RNASET2: variants seen among roughly 807,000 people sequenced by gnomAD.
RNASET2 encodes the protein ribonuclease T2, also known as ribonuclease 6.
RNASET2 carries 28 observed loss-of-function variants against 33.9 expected under a neutral mutation model. The ratio of observed to expected loss-of-function variants is 0.83; its 90% CI spans 0.61 to 1.13. The LOEUF is 1.13. Ranked by LOEUF, RNASET2 falls within the 50% of genes most tolerant of loss-of-function variation. RNASET2 has a pLI of 0.00. For synonymous variants in RNASET2, 123 were observed against 121.0 expected, an observed-to-expected ratio of 1.02 and a Z score of -0.11; for missense variants, 330 against 319.9, an observed-to-expected ratio of 1.03 and a Z score of -0.24.
At chr6:166,943,148 A>G in intron 4 of RNASET2, 59 bp from the exon 5 acceptor site, 2 of 1,292,798 alleles carry the variant, frequency 1.5e-6, no homozygotes, top group Admixed American at 3.8e-5. Flanking sequence ...CTCAAAACCT[A>G]GAAGGTAAAT....
chr6:166,925,643 G>A lies in RNASET2; in HGVS notation c.*3945C>T, dbSNP rs570105999. Among the ~76,000 whole-genome samples the A allele has an allele frequency of 1.7e-4, 26 of 152,174 alleles. No homozygotes were observed. The highest frequency in any genetic ancestry group is 3.5e-4 in the Non-Finnish European group (24 of 68,044). ...CGGCCCTCCCCTGTGCCATCCAGCT[G>A]GCATCTTCTATGTAACACAACAAGA... On this transcript the variant is annotated 3_prime_UTR_variant, in exon 9 of 9. Transcript: ENST00000508775.
intron 6 of RNASET2, among the ~76,000 whole-genome samples, chr6:166,936,638 G>C (rs1778576117): frequency 6.6e-6 from 1 of 152,152 alleles, no homozygotes; most frequent in Non-Finnish European, 1.5e-5. Context: ...CTGGGGAACT[G>C]AGTGGGAACT....
At chr6:166,955,726 G>T in intron 1 of RNASET2, 1 of 1,140,594 alleles carries the variant, frequency 8.8e-7, no homozygotes, top group Non-Finnish European at 1.1e-6. Context: ...GGAGTGTTCA[G>T]GGCTCCCCAA....
At chr6:166,934,216 A>C in intron 6 of RNASET2, 80 bp from the exon 7 acceptor site, 15 of 935,870 alleles carry the variant, frequency 1.6e-5, no homozygotes, top group Non-Finnish European at 2.1e-5. Context: ...ATCATATTTC[A>C]TGGTAAAAAT....
Position 166,938,924 on chromosome 6 carries a change from C to T in RNASET2, c.417G>A (p.Leu139=). The change falls in exon 6 of 9, where the codon CTG becomes CTA. Residue 139 remains leucine, a synonymous_variant. Coordinates refer to ENST00000508775, the MANE Select transcript of RNASET2 (RefSeq NM_003730.6). ...TGAGGTCCAGCTCCCTGTAGAGTTCCAGGCTTCTGCCAAAGTACTTCTTCT... is the reference window on the plus strand; with the variant it reads ...TGAGGTCCAGCTCCCTGTAGAGTTCTAGGCTTCTGCCAAAGTACTTCTTCT... ...NSQKKYFGRS[L]ELYRELDLNS... 6.2e-7 allele frequency: 1 copy of T among 1,613,900 alleles called. No homozygotes were observed. The highest frequency in any genetic ancestry group is 1.3e-5 in the African/African-American group (1 of 75,064).
Position 166,936,228 on chromosome 6 carries a change from C to CTGAATGAA in RNASET2, c.447-2100_447-2093dup, listed in dbSNP as rs546247226. ...CTGGCAGGCCCTCAGTGAACATTTA[C>CTGAATGAA]TGAATGAATGAATGAATGAATGAAT... On this transcript the variant is annotated intron_variant, in intron 6 of 8. Transcript: ENST00000508775. Among the ~76,000 whole-genome samples, 5 of 152,220 alleles carry CTGAATGAA rather than the reference C, an allele frequency of 3.3e-5. No homozygotes were observed. The South Asian group carries it at 6.2e-4, about 19-fold the overall frequency.
chr6:166,923,651 C>T lies in RNASET2; in HGVS notation c.*5937G>A, dbSNP rs1025761519. ...AGAATTCTTATCAGAAAAAAAATGA[C>T]ATAAAACTGCATTTCTCATCATCTG... On this transcript the variant is annotated 3_prime_UTR_variant, in exon 9 of 9. Coordinates refer to ENST00000508775, the MANE Select transcript of RNASET2 (RefSeq NM_003730.6). Among the ~76,000 whole-genome samples the T allele has an allele frequency of 2.0e-5, 3 of 151,978 alleles. No homozygotes were observed. Among genetic ancestry groups the T allele is most frequent in the Non-Finnish European group, 4.4e-5 (3 of 67,994 alleles).
chr6:166,938,029 T>C (rs1778609230), intron 6 of RNASET2, among the ~76,000 whole-genome samples: 1 of 152,250 alleles, frequency 6.6e-6, no homozygotes, highest in African/African-American at 2.4e-5. Context: ...ATTCATCTTT[T>C]AAGCAGTTTT....
At chr6:166,946,875 C>A in intron 3 of RNASET2, 136 bp from the exon 4 acceptor site, 1 of 710,700 alleles carries the variant, frequency 1.4e-6, no homozygotes. Flanking sequence ...ATTCCTTATC[C>A]CAGGCAGGAT....
In RNASET2 at chr6:166,923,055, C is replaced by G. The variant is rs559123570; in HGVS notation, c.*6533G>C. ...TGTGAAAAGCACGTCAGCATAAAGTCCATACAGCATTTAATGGATCTTAAC... is the reference window on the plus strand; with the variant it reads ...TGTGAAAAGCACGTCAGCATAAAGTGCATACAGCATTTAATGGATCTTAAC... On this transcript the variant is annotated 3_prime_UTR_variant, in exon 9 of 9. Coordinates refer to ENST00000508775, the MANE Select transcript of RNASET2 (RefSeq NM_003730.6). Among the ~76,000 whole-genome samples the G allele has an allele frequency of 6.6e-6, 1 of 152,300 alleles. No homozygotes were observed. The highest frequency in any genetic ancestry group is 1.5e-5 in the Non-Finnish European group (1 of 68,028).
chr6:166,927,969 G>A lies in RNASET2; in HGVS notation c.*1619C>T, dbSNP rs937143018. On this transcript the variant is annotated 3_prime_UTR_variant, in exon 9 of 9. Coordinates refer to ENST00000508775, the MANE Select transcript of RNASET2 (RefSeq NM_003730.6). ...GGAGACAGAAATGAGCTCAGAGAAG[G>A]GCCGAGGGACAATGACAAGGTGGGG... Among the ~76,000 whole-genome samples, 43 of 152,192 alleles carry A rather than the reference G, an allele frequency of 2.8e-4. No homozygotes were observed. The highest frequency in any genetic ancestry group is 5.4e-4 in the Non-Finnish European group (37 of 68,038).
intron 1 of RNASET2, among the ~76,000 whole-genome samples, chr6:166,955,225 A>ACGCACG (rs1275965128): frequency 2.1e-5 from 1 of 48,598 alleles, no homozygotes; most frequent in Non-Finnish European, 3.4e-5. Context: ...ACACACGCGC[A>ACGCACG]CACACGCACG....
chr6:166,955,257 GCACACA>G (rs145765601), intron 1 of RNASET2, among the ~76,000 whole-genome samples: 20 of 92,088 alleles, frequency 2.2e-4, no homozygotes, highest in South Asian at 1.8e-3. Flanking sequence ...ACGCACACAC[GCACACA>G]CACACACGCG....
chr6:166,942,072 A>G (rs1453093197), intron 5 of RNASET2, among the ~76,000 whole-genome samples: 2 of 10,908 alleles, frequency 1.8e-4, no homozygotes, highest in Admixed American at 8.2e-4. Context: ...TTTTTTTTTG[A>G]GATGGAATCT....
Position 166,943,053 on chromosome 6 carries a change from C to T in RNASET2, c.298G>A (p.Val100Ile), listed in dbSNP as rs529169150. The T allele has an allele frequency of 2.0e-5, 33 of 1,613,636 alleles. No homozygotes were observed. The highest frequency in any genetic ancestry group is 3.3e-4 in the Middle Eastern group (2 of 6,060). Residue 100 changes from valine to isoleucine, a missense_variant, in exon 5 of 9, where the codon GTA becomes ATA. Coordinates refer to ENST00000508775, the MANE Select transcript of RNASET2 (RefSeq NM_003730.6). ...CTGCGATTGGGAAACGAGTGAATTACGTCAGGCCAGTATGCCCTCATTTCT... is the reference window on the plus strand; with the variant it reads ...CTGCGATTGGGAAACGAGTGAATTATGTCAGGCCAGTATGCCCTCATTTCT... Reference protein sequence around the residue: ...LPEMRAYWPDVIHSFPNRSRF... With the variant: ...LPEMRAYWPDIIHSFPNRSRF...
intron 1 of RNASET2, 189 bp from the exon 2 acceptor site, chr6:166,952,737 G>A: frequency 3.3e-6 from 2 of 605,356 alleles, no homozygotes; most frequent in Non-Finnish European, 6.1e-6. Context: ...GAAGGCACGT[G>A]TGGTGGCGTC....
In RNASET2 at chr6:166,928,846, C is replaced by T. The variant is rs1217071601; in HGVS notation, c.*742G>A. Reference sequence around the variant, plus strand: ...TGGAACACACAATGTAGGCACATTTCGCTGGGGGCTCCATGTACATTTCTA... The same window carrying T: ...TGGAACACACAATGTAGGCACATTTTGCTGGGGGCTCCATGTACATTTCTA... On this transcript the variant is annotated 3_prime_UTR_variant, in exon 9 of 9. Coordinates refer to ENST00000508775, the MANE Select transcript of RNASET2 (RefSeq NM_003730.6). 2.8e-4 allele frequency among the ~76,000 whole-genome samples: 43 copies of T among 152,326 alleles called. No homozygotes were observed. Among genetic ancestry groups the T allele is most frequent in the Non-Finnish European group, 1.3e-4 (9 of 68,020 alleles).
At chr6:166,940,415 GTAAC>G (rs1324549043) in intron 5 of RNASET2, among the ~76,000 whole-genome samples, 1 of 152,216 alleles carries the variant, frequency 6.6e-6, no homozygotes, top group Non-Finnish European at 1.5e-5. Context: ...AAGTGGATGA[GTAAC>G]TGTCTTCATC....
Position 166,933,903 on chromosome 6 carries a change from G to C in RNASET2, c.492+188C>G, listed in dbSNP as rs1778504129. ...TGCTTCCAAATCACTGGTCTAAGCA[G>C]CCTTCAGCTCCTACTCAACATGCGC... On this transcript the variant is annotated intron_variant, in intron 7 of 8. Coordinates refer to ENST00000508775, the MANE Select transcript of RNASET2 (RefSeq NM_003730.6). The surrounding 1 kb of genome is among the most constrained non-coding windows in gnomAD (Gnocchi z 4.1). 1.6e-6 allele frequency: 1 copy of C among 635,164 alleles called. No homozygotes were observed. The highest frequency in any genetic ancestry group is 2.8e-6 in the Non-Finnish European group (1 of 352,404). 39.3% of individuals were successfully genotyped at this position (635,164 alleles called of 1,614,324 possible).
Sources: gnomAD v4.1 joint callset for allele counts (sites outside exome capture counted in the v4.1 genomes callset) on GRCh38, gnomAD v4.1.1 for gene constraint, Gnocchi (gnomAD v3.1) non-coding constraint, MANE v1.5 for transcripts, NCBI Gene and HGNC (gene_info 2026-07-23, HGNC 2026-07-21) for gene names.